UNC13C: variants seen among roughly 807,000 people sequenced by gnomAD.
The protein encoded by UNC13C is unc-13 homolog C, also known as protein unc-13 homolog C.
In UNC13C, 174 loss-of-function variants were observed where a neutral mutation model predicts 245.4. That is an observed-to-expected ratio of 0.71 (90% confidence interval 0.63 to 0.80). The LOEUF is 0.80. UNC13C is among the 30% of genes least tolerant of loss of function. The probability of loss-of-function intolerance (pLI) is 0.00; values close to 1 mark genes in which losing one functional copy is unlikely to be tolerated. For synonymous variants in UNC13C, 992 were observed against 895.1 expected (o/e 1.11, Z -1.93); for missense variants, 2,829 against 2,602.9 (o/e 1.09, Z -1.89).
chr15:54,520,953 C>G (rs919737138), intron 24 of UNC13C, among the ~76,000 whole-genome samples: 1 of 152,166 alleles, frequency 6.6e-6, no homozygotes, highest in Non-Finnish European at 1.5e-5. Context: ...ATAAGTTTGG[C>G]TTCTCTTTCA....
intron 2 of UNC13C, among the ~76,000 whole-genome samples, chr15:54,034,179 A>C (rs939278326): frequency 1.3e-5 from 2 of 152,226 alleles, no homozygotes; most frequent in African/African-American, 4.8e-5. Flanking sequence ...AAATAGCAGC[A>C]GGGAAAGGTC....
chr15:54,152,857 GAAAA>G (rs778816230), intron 4 of UNC13C, among the ~76,000 whole-genome samples: 2 of 145,486 alleles, frequency 1.4e-5, no homozygotes, highest in African/African-American at 5.0e-5. Context: ...GTCTTAGAGA[GAAAA>G]AAAAAAGAGG....
the UNC13C span, chr15:53,913,006 T>TG: frequency 6.6e-6 from 1 of 152,188 alleles, no homozygotes; most frequent in South Asian, 2.1e-4. Context: ...GGCTAATGCA[T>TG]TCTTCTCCAT....
At chr15:54,415,116 G>T in intron 19 of UNC13C, 49 bp downstream of exon 19, 1 of 1,325,314 alleles carries the variant, frequency 7.5e-7, no homozygotes. Context: ...GAGTTAAATG[G>T]TGATATTGTG....
chr15:54,621,297 A>C (rs1900782476), intron 30 of UNC13C, among the ~76,000 whole-genome samples: 1 of 152,166 alleles, frequency 6.6e-6, no homozygotes, highest in Non-Finnish European at 1.5e-5. Flanking sequence ...AGAAATTAAA[A>C]CGCCACATAA....
At chr15:54,293,778 T>A (rs1398126663) in intron 10 of UNC13C, 117 bp from the exon 11 acceptor site, 6 of 761,848 alleles carry the variant, frequency 7.9e-6, no homozygotes, top group African/African-American at 1.8e-5. Flanking sequence ...ATGGGTTATC[T>A]CATTTATTAT....
chr15:54,018,874 G>A (rs1230019442), intron 2 of UNC13C, among the ~76,000 whole-genome samples: 1 of 151,904 alleles, frequency 6.6e-6, no homozygotes, highest in African/African-American at 2.4e-5. Context: ...ATATGGCATT[G>A]AGTTAATATG....
At chr15:54,595,454 C>G (rs1230825315) in intron 30 of UNC13C, among the ~76,000 whole-genome samples, 2 of 152,120 alleles carry the variant, frequency 1.3e-5, no homozygotes, top group Admixed American at 1.3e-4. Flanking sequence ...CAGCCGCCTT[C>G]CTTCAGGGGG....
At chr15:54,309,290 T>G (rs2140959942) in intron 13 of UNC13C, among the ~76,000 whole-genome samples, 1 of 152,042 alleles carries the variant, frequency 6.6e-6, no homozygotes, top group Admixed American at 6.6e-5. Context: ...CTATTGGGCA[T>G]TTGTATGTCT....
chr15:53,933,910 G>T, the UNC13C span, among the ~76,000 whole-genome samples: 8 of 152,112 alleles, frequency 5.3e-5, no homozygotes, highest in African/African-American at 1.9e-4. Flanking sequence ...CCTGAGACTG[G>T]GTATTTTATA....
At chr15:54,081,950 CT>C (rs1432273193) in intron 2 of UNC13C, among the ~76,000 whole-genome samples, 1 of 152,060 alleles carries the variant, frequency 6.6e-6, no homozygotes, top group Admixed American at 6.6e-5. Context: ...TTTAGAAATC[CT>C]TTGATCATTT....
chr15:54,497,997 A>G (rs1894031848), intron 20 of UNC13C, among the ~76,000 whole-genome samples: 1 of 152,128 alleles, frequency 6.6e-6, no homozygotes, highest in Non-Finnish European at 1.5e-5. Context: ...CAACAGGACT[A>G]AATAACTATC....
chr15:54,326,462 A>G (rs576920279), intron 14 of UNC13C, among the ~76,000 whole-genome samples: 2 of 152,088 alleles, frequency 1.3e-5, no homozygotes, highest in East Asian at 3.9e-4. Flanking sequence ...CTTATCTACT[A>G]GGAGATAAAG....
the UNC13C span, among the ~76,000 whole-genome samples, chr15:53,932,746 C>T: frequency 3.3e-5 from 5 of 152,128 alleles, no homozygotes; most frequent in African/African-American, 1.2e-4. Context: ...TCTGGCCACT[C>T]GTATTCATTT....
At chr15:54,195,215 G>A (rs1158183823) in intron 4 of UNC13C, among the ~76,000 whole-genome samples, 1 of 152,022 alleles carries the variant, frequency 6.6e-6, no homozygotes, top group Non-Finnish European at 1.5e-5. Context: ...AAACAACTCT[G>A]GTAGCAGAGG....
rs147685329 is a variant in UNC13C, at chr15:54,407,987, G to C, written c.4848-6995G>C. 1.7e-3 allele frequency among the ~76,000 whole-genome samples: 260 copies of C among 151,910 alleles called. 2 individuals are homozygous for C. The highest frequency in any genetic ancestry group is 6.0e-3 in the African/African-American group (250 of 41,432). ...GAGGCCAAGGTGGGCAGATCATGAG[G>C]TCAGGAGATCGAGACCATCCTGGTG... On this transcript the variant is annotated intron_variant, in intron 18 of 32. Transcript: ENST00000260323.
intron 4 of UNC13C, among the ~76,000 whole-genome samples, chr15:54,215,133 C>T (rs1261183363): frequency 6.6e-6 from 1 of 151,604 alleles, no homozygotes; most frequent in Non-Finnish European, 1.5e-5. Flanking sequence ...ATTTGACAAA[C>T]AATGTGTAAA....
the UNC13C span, among the ~76,000 whole-genome samples, chr15:53,896,068 A>C: frequency 7.5e-6 from 1 of 133,290 alleles, no homozygotes; most frequent in Admixed American, 8.0e-5. Flanking sequence ...AAATATGCTA[A>C]TGTCCATTAG....
intron 26 of UNC13C, among the ~76,000 whole-genome samples, chr15:54,546,021 A>G (rs1460326529): frequency 6.6e-6 from 1 of 152,184 alleles, no homozygotes; most frequent in Non-Finnish European, 1.5e-5. Flanking sequence ...ACATGCACAC[A>G]TAAGTTTATT....
Sources: gnomAD v4.1 joint callset for allele counts (sites outside exome capture counted in the v4.1 genomes callset) on GRCh38, gnomAD v4.1.1 for gene constraint, MANE v1.5 for transcripts, NCBI Gene and HGNC (gene_info 2026-07-23, HGNC 2026-07-21) for gene names.